The following ATRX variants were observed in gnomAD, a reference collection of about 807,000 sequenced individuals.
ATRX encodes the protein chromatin remodeler ATRX.
Under a neutral mutation model 172.6 loss-of-function variants are expected in ATRX, and 12 were observed. The observed-to-expected ratio is 0.07, with a 90% confidence interval of 0.04 to 0.11. The LOEUF is 0.11. Ranked by LOEUF, ATRX falls within the 10% of genes least tolerant of loss-of-function variation. ATRX has a pLI of 1.00. For missense variants in ATRX, 1,368 were observed against 1,767.4 expected (o/e 0.77, Z 4.05); for synonymous variants, 674 against 594.7 (o/e 1.13, Z -1.94).
At chrX:77,762,821 A>G (rs890677843) in intron 1 of ATRX, among the ~76,000 whole-genome samples, 13 of 111,513 alleles carry the variant, frequency 1.2e-4, no homozygotes, top group Non-Finnish European at 2.1e-4. Flanking sequence ...TGTAAGTTTT[A>G]AATTTTCATA....
chrX:77,772,309 CAAA>C (rs782216980), intron 1 of ATRX, among the ~76,000 whole-genome samples: 2 of 56,861 alleles, frequency 3.5e-5, no homozygotes, highest in African/African-American at 6.6e-5. Flanking sequence ...GAATCCGTCT[CAAA>C]AAAAAAAAAA....
At chrX:77,742,124 G>T (rs1557182539) in intron 1 of ATRX, among the ~76,000 whole-genome samples, 1 of 111,333 alleles carries the variant, frequency 9.0e-6, no homozygotes, top group Non-Finnish European at 1.9e-5. Flanking sequence ...CCACTGAATT[G>T]TACACTTAAA....
At chrX:77,553,101 C>G (rs1437563218) in intron 30 of ATRX, among the ~76,000 whole-genome samples, 1 of 111,540 alleles carries the variant, frequency 9.0e-6, no homozygotes, top group Non-Finnish European at 1.9e-5. Flanking sequence ...ACCAAAAAAT[C>G]CATCACCATG....
At chrX:77,591,426 G>C (rs1820997926) in intron 26 of ATRX, among the ~76,000 whole-genome samples, 1 of 112,213 alleles carries the variant, frequency 8.9e-6, no homozygotes, top group African/African-American at 3.2e-5. Flanking sequence ...TATGCTTTAA[G>C]TTTTATTTTT....
At chrX:77,746,206 T>C (rs1218513185) in intron 1 of ATRX, among the ~76,000 whole-genome samples, 1 of 110,875 alleles carries the variant, frequency 9.0e-6, no homozygotes, top group African/African-American at 3.3e-5. Context: ...TGTGTGTTAT[T>C]TGGGTGATGG....
intron 2 of ATRX, among the ~76,000 whole-genome samples, chrX:77,708,860 T>G (rs975741918): frequency 1.8e-5 from 2 of 111,631 alleles, no homozygotes; most frequent in Non-Finnish European, 3.8e-5. Flanking sequence ...ATTTTATACT[T>G]TAAATGGGTT....
At chrX:77,775,137 A>G (rs1460726846) in intron 1 of ATRX, among the ~76,000 whole-genome samples, 1 of 111,541 alleles carries the variant, frequency 9.0e-6, no homozygotes, top group African/African-American at 3.3e-5. Context: ...AAGGGACATC[A>G]TGTCTGCAAT....
chrX:77,750,350 A>C (rs1364376485), intron 1 of ATRX, among the ~76,000 whole-genome samples: 5 of 111,512 alleles, frequency 4.5e-5, no homozygotes, highest in African/African-American at 1.6e-4. Context: ...TTATTACACA[A>C]ACGATGAAAT....
At chrX:77,614,219 G>T (rs962153653) in intron 22 of ATRX, among the ~76,000 whole-genome samples, 1 of 112,098 alleles carries the variant, frequency 8.9e-6, no homozygotes, top group Non-Finnish European at 1.9e-5. Flanking sequence ...TTAAATGCAA[G>T]TAAAATAGGC....
intron 1 of ATRX, among the ~76,000 whole-genome samples, chrX:77,719,109 T>C (rs1603270690): frequency 9.0e-6 from 1 of 111,284 alleles, no homozygotes; most frequent in East Asian, 2.8e-4. Flanking sequence ...CCATTTTTAA[T>C]AAAAGTCAAA....
chrX:77,592,052 C>A (rs911999232), intron 26 of ATRX, among the ~76,000 whole-genome samples: 21 of 111,504 alleles, frequency 1.9e-4, no homozygotes, highest in Non-Finnish European at 3.6e-4. Flanking sequence ...TTGTTTCAGA[C>A]CATATTTTGA....
intron 7 of ATRX, among the ~76,000 whole-genome samples, chrX:77,685,863 A>C (rs2071524107): frequency 8.9e-6 from 1 of 112,279 alleles, no homozygotes; most frequent in African/African-American, 3.2e-5. Flanking sequence ...TCAGCCATAA[A>C]AAAGAATGAG....
intron 1 of ATRX, among the ~76,000 whole-genome samples, chrX:77,762,888 T>C (rs990064495): frequency 3.1e-4 from 34 of 111,403 alleles, no homozygotes; most frequent in Non-Finnish European, 5.5e-4. Context: ...ACAATTATGA[T>C]GTGTACTGGC....
At position 77,682,434 on chromosome X, in the gene ATRX, T is replaced by G; in HGVS notation, c.2822A>C (p.Glu941Ala). Residue 941 changes from glutamate (E) to alanine (A), a missense_variant, in exon 9 of 35, where the codon GAA becomes GCA. This residue lies in a region of ATRX where 843 missense variants were observed against 643.1 expected (regional missense o/e 1.31). Coordinates refer to ENST00000373344, the MANE Select transcript of ATRX (RefSeq NM_000489.6). ...FTSLEVRKVA[E>A]TKEKSKHLKT... ...GAGATGCTTGCTCTTTTCTTTAGTT[T>G]CAGCAACTTTTCTAACTTCCAAAGA... 1 of 1,211,686 alleles carries G rather than the reference T, an allele frequency of 8.3e-7. No individual in the cohort carries two copies.
intron 1 of ATRX, among the ~76,000 whole-genome samples, chrX:77,757,341 G>A (rs782437748): frequency 2.6e-4 from 29 of 111,511 alleles, no homozygotes; most frequent in Non-Finnish European, 4.9e-4. Context: ...ACCACATCAT[G>A]CAATTCCAAA....
intron 1 of ATRX, among the ~76,000 whole-genome samples, chrX:77,771,600 T>A (rs2076155134): frequency 9.2e-6 from 1 of 108,346 alleles, no homozygotes; most frequent in Non-Finnish European, 1.9e-5. Context: ...AGAATTGCTG[T>A]CTCTCTTGGG....
intron 30 of ATRX, among the ~76,000 whole-genome samples, chrX:77,538,230 A>ACAC (rs2063827076): frequency 1.0e-5 from 1 of 95,992 alleles, no homozygotes; most frequent in Non-Finnish European, 2.1e-5. Flanking sequence ...TACACACACA[A>ACAC]ACACACACAC....
intron 1 of ATRX, among the ~76,000 whole-genome samples, chrX:77,740,223 C>CT (rs2074799476): frequency 1.8e-5 from 2 of 109,517 alleles, no homozygotes; most frequent in African/African-American, 6.6e-5. Flanking sequence ...AAACTGAGGT[C>CT]ACAAGGCAAA....
chrX:77,690,289 A>G (rs2071815605), intron 6 of ATRX, among the ~76,000 whole-genome samples: 2 of 111,110 alleles, frequency 1.8e-5, no homozygotes, highest in Non-Finnish European at 3.8e-5. Flanking sequence ...GCTGGTCTCC[A>G]ACTCCTGGGC....
Sources: gnomAD v4.1 joint callset for allele counts (sites outside exome capture counted in the v4.1 genomes callset) on GRCh38, gnomAD v4.1.1 for gene constraint, gnomAD v4.1.1 regional missense constraint, MANE v1.5 for transcripts, NCBI Gene and HGNC (gene_info 2026-07-23, HGNC 2026-07-21) for gene names.